The following DNAI3 variants were observed in gnomAD, a reference collection of about 807,000 sequenced individuals.
DNAI3 encodes the protein WD repeat domain 63.
In DNAI3, 83 loss-of-function variants were observed where a neutral mutation model predicts 115.5. The ratio of observed to expected loss-of-function variants is 0.72; its 90% confidence interval spans 0.60 to 0.86. The LOEUF (loss-of-function observed/expected upper bound fraction) is 0.86. Among genes scored for constraint, DNAI3 ranks in the 40% least tolerant of loss-of-function variants. The pLI is 0.00. For synonymous variants in DNAI3, 320 were observed against 347.0 expected (o/e 0.92, Z 0.86); for missense variants, 1,004 against 1,075.8 (o/e 0.93, Z 0.93).
chr1:85,067,860 A>G (rs544575028), intron 1 of DNAI3, among the ~76,000 whole-genome samples: 25 of 152,328 alleles, frequency 1.6e-4, no homozygotes, highest in African/African-American at 5.5e-4. Flanking sequence ...GAGGCTCTGG[A>G]AAGAAAGGAA....
rs780340715 is a variant in DNAI3 at position 85,084,711 on chromosome 1, A to G, written c.540+16A>G. 5 of 1,458,080 alleles carry G rather than the reference A, an allele frequency of 3.4e-6. No individual in the cohort carries two copies. Among genetic ancestry groups the G allele is most frequent in the Non-Finnish European group, 4.5e-6 (5 of 1,100,430 alleles). 90.3% of individuals were successfully genotyped at this position (1,458,080 alleles called of 1,614,324 possible). On this transcript the variant is annotated intron_variant, in intron 6 of 22. Coordinates refer to ENST00000294664, the MANE Select transcript of DNAI3 (RefSeq NM_145172.5). ...TACAAAGCAGGTTAGAGGGTTATAT[A>G]TGATCTGTAATCATTACCTCCCTGT... is the stretch of plus-strand genomic sequence containing the variant.
chr1:85,126,364 CA>C, intron 19 of DNAI3, 146 bp from the exon 20 acceptor site: 1 of 801,882 alleles, frequency 1.2e-6, no homozygotes, highest in East Asian at 2.7e-5. Flanking sequence ...AACCCTACAA[CA>C]AAGAGAAGTA....
intron 17 of DNAI3, among the ~76,000 whole-genome samples, chr1:85,119,302 C>T (rs1395711363): frequency 6.6e-6 from 1 of 152,228 alleles, no homozygotes; most frequent in African/African-American, 2.4e-5. Flanking sequence ...TCATCCCAAA[C>T]TGGGCGTCTG....
intron 3 of DNAI3, among the ~76,000 whole-genome samples, chr1:85,078,989 G>A (rs1654545821): frequency 6.6e-6 from 1 of 152,206 alleles, no homozygotes; most frequent in Non-Finnish European, 1.5e-5. Context: ...AACAATCTTT[G>A]ATGCTGTCTT....
intron 3 of DNAI3, among the ~76,000 whole-genome samples, chr1:85,077,875 T>TAA (rs5775817): frequency 6.8e-6 from 1 of 146,848 alleles, no homozygotes; most frequent in Admixed American, 6.8e-5. Context: ...ACCAAAATGT[T>TAA]AAAAAAAAAA....
At chr1:85,106,872 A>G (rs1655503452) in intron 14 of DNAI3, among the ~76,000 whole-genome samples, 2 of 152,202 alleles carry the variant, frequency 1.3e-5, no homozygotes, top group African/African-American at 4.8e-5. Context: ...CCCTATATAC[A>G]AACGTTTAAA....
chr1:85,078,917 G>A (rs1654544156), intron 3 of DNAI3, among the ~76,000 whole-genome samples: 2 of 152,212 alleles, frequency 1.3e-5, no homozygotes, highest in African/African-American at 2.4e-5. Context: ...TTTTTTGTGT[G>A]TGAAAAATAT....
chr1:85,115,541 T>C (rs1228878907), intron 16 of DNAI3, among the ~76,000 whole-genome samples: 1 of 152,246 alleles, frequency 6.6e-6, no homozygotes, highest in Non-Finnish European at 1.5e-5. Context: ...GAGGATGATT[T>C]TGAATCTAAG....
chr1:85,116,849 TAGATCC>T (rs750991385), intron 16 of DNAI3, among the ~76,000 whole-genome samples: 8 of 152,176 alleles, frequency 5.3e-5, no homozygotes, highest in Non-Finnish European at 8.8e-5. Context: ...TCAAAACATG[TAGATCC>T]AAAACAAAGA....
chr1:85,100,061 G>A (rs1056973925), intron 13 of DNAI3, among the ~76,000 whole-genome samples: 1 of 151,974 alleles, frequency 6.6e-6, no homozygotes, highest in Non-Finnish European at 1.5e-5. Context: ...CATAGGCATG[G>A]GCAAGGACTT....
chr1:85,081,101 A>G lies in DNAI3; in HGVS notation c.104-133A>G, dbSNP rs568387282. 3.7e-4 allele frequency: 255 copies of G among 697,242 alleles called. 5 individuals carry two copies. The highest frequency in any genetic ancestry group is 2.8e-3 in the South Asian group (90 of 32,102). The allele number at this position is 697,242 out of a possible 1,614,324, so 43.2% of individuals were successfully genotyped here. A position where few individuals can be genotyped will look rare whatever the true frequency, so the allele number is the denominator to read the frequency against. On this transcript the variant is annotated intron_variant, in intron 3 of 22. Coordinates refer to ENST00000294664, the MANE Select transcript of DNAI3 (RefSeq NM_145172.5). ...AAAATAATGGATATATTTACTTTAA[A>G]TACAGGAATAATAATTTTAAAGTCT...
At chr1:85,119,781 T>C (rs1282941024) in intron 17 of DNAI3, among the ~76,000 whole-genome samples, 1 of 152,018 alleles carries the variant, frequency 6.6e-6, no homozygotes, top group Middle Eastern at 3.2e-3. Context: ...TATTGCAACC[T>C]CCACCTCCCA....
chr1:85,130,764 T>C (rs868587577), intron 22 of DNAI3, among the ~76,000 whole-genome samples: 1 of 152,130 alleles, frequency 6.6e-6, no homozygotes, highest in African/African-American at 2.4e-5. Context: ...TTTTACTGTA[T>C]ATGATATGCT....
intron 1 of DNAI3, among the ~76,000 whole-genome samples, chr1:85,063,166 T>C (rs954344375): frequency 3.3e-5 from 5 of 152,168 alleles, no homozygotes; most frequent in African/African-American, 9.7e-5. Flanking sequence ...CATAAGTAAT[T>C]ACACATAGTA....
chr1:85,071,421 C>T (rs969995623), intron 1 of DNAI3, among the ~76,000 whole-genome samples: 1 of 152,168 alleles, frequency 6.6e-6, no homozygotes, highest in Non-Finnish European at 1.5e-5. Flanking sequence ...CAAATAAGGC[C>T]TTAGTGGTTT....
rs757376574 is a variant in DNAI3 at position 85,129,911 on chromosome 1, C to T, written c.2410-79C>T. On this transcript the variant is annotated intron_variant, in intron 21 of 22. Coordinates refer to ENST00000294664, the MANE Select transcript of DNAI3 (RefSeq NM_145172.5). ...AGGTCGTCTACCTAATTACAAGCAG[C>T]AGAAATTCTAACAGAGCCTTGTAAA... The T allele has an allele frequency of 1.7e-4, 253 of 1,493,132 alleles. 1 individual carries two copies. The highest frequency in any genetic ancestry group is 2.4e-4 in the Admixed American group (10 of 42,316). The allele number at this position is 1,493,132 out of a possible 1,614,324, so 92.5% of individuals were successfully genotyped here.
At chr1:85,123,408 C>G (rs1322952090) in intron 18 of DNAI3, among the ~76,000 whole-genome samples, 1 of 152,176 alleles carries the variant, frequency 6.6e-6, no homozygotes, top group East Asian at 1.9e-4. Flanking sequence ...TCCTAGTCCC[C>G]ATTTGTTTCA....
chr1:85,126,997 G>A (rs958546458), intron 20 of DNAI3, among the ~76,000 whole-genome samples: 1 of 152,104 alleles, frequency 6.6e-6, no homozygotes, highest in African/African-American at 2.4e-5. Flanking sequence ...TGAGACACGT[G>A]TCAGGCAGAG....
chr1:85,103,640 AT>A (rs1655395650), intron 13 of DNAI3, among the ~76,000 whole-genome samples: 1 of 152,026 alleles, frequency 6.6e-6, no homozygotes, highest in African/African-American at 2.4e-5. Flanking sequence ...TAATCCCAGC[AT>A]TTTCAGAGGC....
Sources: allele counts gnomAD v4.1 joint callset (sites outside exome capture counted in the v4.1 genomes callset), GRCh38; gene constraint gnomAD v4.1.1; transcripts MANE v1.5; gene names NCBI Gene and HGNC (gene_info 2026-07-23, HGNC 2026-07-21).